Variants in NIM1K observed in about 807,000 individuals in gnomAD.
NIM1K encodes the protein NIM1 serine/threonine protein kinase.
In NIM1K, 35 loss-of-function variants were observed where a neutral mutation model predicts 37.1. That is an observed-to-expected ratio of 0.94 (90% CI 0.72 to 1.25). NIM1K has a LOEUF of 1.25. Among genes scored for constraint, NIM1K ranks in the 50% most tolerant of loss-of-function variants. NIM1K has a pLI of 0.00. For synonymous variants in NIM1K, 234 were observed against 206.6 expected, an observed-to-expected ratio of 1.13 and a Z score of -1.14; for missense variants, 564 against 548.0, an observed-to-expected ratio of 1.03 and a Z score of -0.29.
chr5:43,253,212 A>ATGTGTG (rs10603525), intron 2 of NIM1K, among the ~76,000 whole-genome samples: 36 of 131,738 alleles, frequency 2.7e-4, no homozygotes, highest in South Asian at 7.3e-4. Context: ...AATATAATAT[A>ATGTGTG]TGTGTGTGTG....
chr5:43,206,247 G>A (rs576042685), intron 1 of NIM1K, among the ~76,000 whole-genome samples: 6 of 152,088 alleles, frequency 3.9e-5, no homozygotes, highest in Admixed American at 1.3e-4. Flanking sequence ...CCGCCGGGCG[G>A]GGTGGCTCTA....
intron 1 of NIM1K, among the ~76,000 whole-genome samples, chr5:43,228,469 A>G (rs1192168872): frequency 6.6e-6 from 1 of 152,212 alleles, no homozygotes; most frequent in East Asian, 1.9e-4. Flanking sequence ...TTGTAAATAA[A>G]CATAAACAAA....
chr5:43,279,543 TG>T (rs1262083213), intron 3 of NIM1K, among the ~76,000 whole-genome samples: 1 of 152,228 alleles, frequency 6.6e-6, no homozygotes, highest in East Asian at 1.9e-4. Context: ...GGCTGAATTC[TG>T]TAAGGATAAA....
chr5:43,255,973 G>A (rs986438289), intron 2 of NIM1K, among the ~76,000 whole-genome samples: 2 of 151,876 alleles, frequency 1.3e-5, no homozygotes, highest in South Asian at 2.1e-4. Context: ...TCTTGAAACA[G>A]CTGAGGGGAA....
chr5:43,231,145 C>T (rs1441946026), intron 1 of NIM1K, among the ~76,000 whole-genome samples: 1 of 152,094 alleles, frequency 6.6e-6, no homozygotes, highest in Admixed American at 6.6e-5. Flanking sequence ...TAGTGAGACA[C>T]CATCTCTACA....
chr5:43,194,130 A>G (rs1561068472), intron 1 of NIM1K, among the ~76,000 whole-genome samples: 1 of 152,190 alleles, frequency 6.6e-6, no homozygotes, highest in Non-Finnish European at 1.5e-5. Flanking sequence ...CACTGCACGA[A>G]CAGAGGACAG....
intron 1 of NIM1K, among the ~76,000 whole-genome samples, chr5:43,208,768 C>A (rs1031064089): frequency 1.3e-5 from 2 of 152,098 alleles, no homozygotes; most frequent in East Asian, 1.9e-4. Context: ...TTCCTTGAGG[C>A]TGGATATTTA....
chr5:43,276,837 G>A (rs1380168684), intron 2 of NIM1K, among the ~76,000 whole-genome samples: 1 of 152,174 alleles, frequency 6.6e-6, no homozygotes, highest in Non-Finnish European at 1.5e-5. Context: ...TTGGGAGGCA[G>A]GACTTGGCAT....
chr5:43,265,059 C>T (rs1753101720), intron 2 of NIM1K, among the ~76,000 whole-genome samples: 2 of 152,310 alleles, frequency 1.3e-5, no homozygotes, highest in Non-Finnish European at 2.9e-5. Flanking sequence ...ACATTTTTGC[C>T]TTCATTTCAA....
At chr5:43,209,608 A>C (rs553453170) in intron 1 of NIM1K, among the ~76,000 whole-genome samples, 1 of 150,418 alleles carries the variant, frequency 6.6e-6, no homozygotes, top group South Asian at 2.1e-4. Flanking sequence ...TATTTATTTT[A>C]ATTTTATTTT....
intron 1 of NIM1K, among the ~76,000 whole-genome samples, chr5:43,216,117 A>C (rs1349130520): frequency 6.6e-6 from 1 of 152,126 alleles, no homozygotes; most frequent in Non-Finnish European, 1.5e-5. Flanking sequence ...AGAAATGTAA[A>C]TACCCTTTAT....
chr5:43,269,592 T>TG (rs1753224404), intron 2 of NIM1K, among the ~76,000 whole-genome samples: 1 of 151,760 alleles, frequency 6.6e-6, no homozygotes, highest in South Asian at 2.1e-4. Context: ...TCCTTTTGTG[T>TG]GTGTGTGTGT....
At chr5:43,279,529 C>T (rs1485836532) in intron 3 of NIM1K, among the ~76,000 whole-genome samples, 1 of 152,342 alleles carries the variant, frequency 6.6e-6, no homozygotes, top group South Asian at 2.1e-4. Flanking sequence ...AACCACCTCC[C>T]TTCGGCTGAA....
chr5:43,206,152 C>G (rs1045926295), intron 1 of NIM1K, among the ~76,000 whole-genome samples: 1 of 152,056 alleles, frequency 6.6e-6, no homozygotes, highest in African/African-American at 2.4e-5. Flanking sequence ...TAAATTTATA[C>G]TCTGTCGGTT....
intron 1 of NIM1K, chr5:43,233,209 G>T: frequency 2.1e-6 from 2 of 965,556 alleles, no homozygotes; most frequent in South Asian, 2.9e-5. Flanking sequence ...CGATGGTGGA[G>T]ACAAGGAGAG....
chr5:43,209,794 T>C (rs1021359388), intron 1 of NIM1K, among the ~76,000 whole-genome samples: 2 of 152,080 alleles, frequency 1.3e-5, no homozygotes, highest in East Asian at 3.9e-4. Flanking sequence ...TTTGTATTTT[T>C]AATAGAGATG....
intron 1 of NIM1K, among the ~76,000 whole-genome samples, chr5:43,210,444 C>T (rs1297289574): frequency 6.6e-6 from 1 of 152,090 alleles, no homozygotes; most frequent in East Asian, 1.9e-4. Context: ...AATATCTTCC[C>T]TGCCCTCAGG....
intron 1 of NIM1K, among the ~76,000 whole-genome samples, chr5:43,210,773 C>A (rs1752191879): frequency 6.6e-6 from 1 of 152,156 alleles, no homozygotes; most frequent in Admixed American, 6.5e-5. Context: ...AAAAGGCATG[C>A]AAATTTGTTT....
chr5:43,280,195 GC>G lies in NIM1K; in HGVS notation c.778del (p.Leu260PhefsTer6), dbSNP rs1486301703. ...IYVDIWALGVLLYFMVTGTMP... is the reference protein window; with the variant it reads ...IYVDIWALGVXLYFMVTGTMP... ...ACGTGGATATCTGGGCCTTGGGGGTGCTTTTGTACTTCATGGTGACTGGCAC... is the reference window on the plus strand; with the variant it reads ...ACGTGGATATCTGGGCCTTGGGGGTGTTTTGTACTTCATGGTGACTGGCAC... On this transcript the variant is annotated frameshift_variant, in exon 4 of 4. Coordinates refer to ENST00000326035, the MANE Select transcript of NIM1K (RefSeq NM_153361.4). LOFTEE classifies it high-confidence loss of function. 4.3e-6 allele frequency: 7 copies of G among 1,614,046 alleles called. No individual in the cohort carries two copies. The South Asian group carries it at 4.4e-5, about 10-fold the overall frequency.
Sources: gnomAD v4.1 joint callset for allele counts (sites outside exome capture counted in the v4.1 genomes callset) on GRCh38, gnomAD v4.1.1 for gene constraint, MANE v1.5 for transcripts, NCBI Gene and HGNC (gene_info 2026-07-23, HGNC 2026-07-21) for gene names.